Variants in TASOR observed in about 807,000 individuals in gnomAD.
The protein encoded by TASOR is transcription activation suppressor.
A neutral mutation model predicts 178.6 loss-of-function variants in TASOR; 53 were observed. The ratio of observed to expected loss-of-function variants is 0.30; its 90% CI spans 0.24 to 0.37. The LOEUF is 0.37. TASOR is among the 10% of genes least tolerant of loss of function. The pLI is 1.00. For synonymous variants in TASOR, 713 were observed against 696.2 expected, an observed-to-expected ratio of 1.02 and a Z score of -0.38; for missense variants, 1,815 against 1,971.4, an observed-to-expected ratio of 0.92 and a Z score of 1.50.
intron 17 of TASOR, among the ~76,000 whole-genome samples, chr3:56,634,181 T>G (rs2076972143): frequency 6.6e-6 from 1 of 152,240 alleles, no homozygotes; most frequent in Admixed American, 6.5e-5. Context: ...TGTTAACAAC[T>G]CTGCTATTTT....
rs1412338053 is a variant in TASOR at position 56,638,733 on chromosome 3, C to G, written c.2797G>C (p.Gly933Arg). ...GGTGTTTGTTTCTCACCATGTTTCC[C>G]CAGCTGGTCTTCTGGGCTTCTTGCA... ...GNARSPEDQLGKHGEKQTPGM... is the reference protein window; with the variant it reads ...GNARSPEDQLRKHGEKQTPGM... The change falls in exon 17 of 24, where the codon GGG (glycine) becomes CGG (arginine). Residue 933 changes from glycine (G) to arginine (R), a missense_variant. Coordinates refer to ENST00000683822, the MANE Select transcript of TASOR (RefSeq NM_001365635.2). The G allele has an allele frequency of 6.2e-7, 1 of 1,614,088 alleles. No individual in the cohort carries two copies. Among genetic ancestry groups the G allele is most frequent in the East Asian group, 2.2e-5 (1 of 44,872 alleles).
chr3:56,680,798 C>T (rs1292418210), intron 1 of TASOR, among the ~76,000 whole-genome samples: 1 of 151,914 alleles, frequency 6.6e-6, no homozygotes, highest in Non-Finnish European at 1.5e-5. Flanking sequence ...AAGTCCACTG[C>T]GATATATTTT....
intron 1 of TASOR, among the ~76,000 whole-genome samples, chr3:56,678,445 T>C (rs1256883200): frequency 1.3e-5 from 2 of 151,986 alleles, no homozygotes; most frequent in East Asian, 1.9e-4. Flanking sequence ...CCTCTCAAAG[T>C]GCTGGGATTA....
At position 56,621,376 on chromosome 3, in the gene TASOR, A is replaced by C; in HGVS notation, c.*1661T>G. The C allele has an allele frequency of 2.1e-6, 1 of 467,394 alleles. No individual in the cohort carries two copies. Among genetic ancestry groups the C allele is most frequent in the East Asian group, 3.2e-5 (1 of 31,166 alleles). The allele number at this position is 467,394 out of a possible 1,614,324, so 29.0% of individuals were successfully genotyped here. A position where few individuals can be genotyped will look rare whatever the true frequency, so the allele number is the denominator to read the frequency against. The stretch of plus-strand genomic sequence containing the variant: ...AATGTGATAGCTATATATCCAAATG[A>C]GGTGGTCTAGTACAAGCATTTCTGA... On this transcript the variant is annotated 3_prime_UTR_variant, in exon 24 of 24. Coordinates refer to ENST00000683822, the MANE Select transcript of TASOR (RefSeq NM_001365635.2).
chr3:56,646,310 A>G (rs565166356), intron 14 of TASOR, among the ~76,000 whole-genome samples: 10 of 152,206 alleles, frequency 6.6e-5, no homozygotes, highest in African/African-American at 2.4e-4. Context: ...TGTGGGCCAT[A>G]CAGTCTCAGT....
intron 12 of TASOR, 25 bp from the exon 13 acceptor site, chr3:56,648,918 T>G: frequency 1.2e-6 from 2 of 1,606,344 alleles, no homozygotes; most frequent in Non-Finnish European, 1.7e-6. Context: ...CCAAACTCAT[T>G]AGCAATGTGT....
At chr3:56,635,218 T>C (rs1327189063) in intron 17 of TASOR, among the ~76,000 whole-genome samples, 1 of 152,196 alleles carries the variant, frequency 6.6e-6, no homozygotes, top group South Asian at 2.1e-4. Flanking sequence ...TCATTAACTA[T>C]TGCAAAGGCA....
intron 23 of TASOR, 53 bp downstream of exon 23, chr3:56,624,426 C>A: frequency 6.4e-7 from 1 of 1,573,482 alleles, no homozygotes; most frequent in South Asian, 1.1e-5. Context: ...ACAGCAAAAC[C>A]ATTCCTCTTT....
intron 21 of TASOR, among the ~76,000 whole-genome samples, chr3:56,625,799 T>A (rs1199788898): frequency 6.6e-6 from 1 of 152,046 alleles, no homozygotes; most frequent in African/African-American, 2.4e-5. Flanking sequence ...AATTTTTGTA[T>A]TTTTAGTACA....
At chr3:56,680,592 AT>A in intron 1 of TASOR, among the ~76,000 whole-genome samples, 1 of 152,304 alleles carries the variant, frequency 6.6e-6, no homozygotes, top group East Asian at 1.9e-4. Context: ...ATAAAGTTGA[AT>A]TTATGTATTA....
intron 14 of TASOR, among the ~76,000 whole-genome samples, chr3:56,644,152 G>A (rs898660551): frequency 3.3e-5 from 5 of 152,140 alleles, no homozygotes; most frequent in African/African-American, 7.2e-5. Flanking sequence ...AACTGACTTC[G>A]GATTGTGCCA....
rs1244845269 is a variant in TASOR, at chr3:56,621,905, TA to T, written c.*1131del. 5.6e-6 allele frequency: 1 copy of T among 179,480 alleles called. No individual in the cohort carries two copies. The highest frequency in any genetic ancestry group is 1.2e-5 in the Non-Finnish European group (1 of 85,484). The allele number at this position is 179,480 out of a possible 1,614,324, so 11.1% of individuals were successfully genotyped here. ...TAAAAACACTTTCTACTTACCTTAA[TA>T]TAGTCTGGCGTTGCTGGGACCTCAC... On this transcript the variant is annotated 3_prime_UTR_variant, in exon 24 of 24. Coordinates refer to ENST00000683822, the MANE Select transcript of TASOR (RefSeq NM_001365635.2).
chr3:56,682,061 A>G (rs9839065), intron 1 of TASOR, among the ~76,000 whole-genome samples: 93,829 of 152,074 alleles, frequency 0.62, 31,556 homozygotes, highest in East Asian at 0.96. Context: ...AAGAGAGAAA[A>G]ACCTATTTAA....
At chr3:56,625,330 CAG>C (rs537425100) in intron 21 of TASOR, among the ~76,000 whole-genome samples, 2 of 152,286 alleles carry the variant, frequency 1.3e-5, no homozygotes, top group South Asian at 4.1e-4. Context: ...GGGACAAAAA[CAG>C]TATAAATCCT....
intron 1 of TASOR, among the ~76,000 whole-genome samples, chr3:56,679,157 G>A (rs1359334665): frequency 6.6e-6 from 1 of 152,104 alleles, no homozygotes; most frequent in South Asian, 2.1e-4. Context: ...CACAGCTGAC[G>A]CCTATTAATG....
At chr3:56,650,031 A>G (rs2077317731) in intron 11 of TASOR, among the ~76,000 whole-genome samples, 1 of 152,238 alleles carries the variant, frequency 6.6e-6, no homozygotes, top group South Asian at 2.1e-4. Flanking sequence ...TTAAAACAAC[A>G]GTAAGAAAGA....
intron 11 of TASOR, among the ~76,000 whole-genome samples, chr3:56,659,225 T>C (rs2077541540): frequency 6.6e-6 from 1 of 152,154 alleles, no homozygotes; most frequent in African/African-American, 2.4e-5. Flanking sequence ...ACCTGGAAAC[T>C]GAGGCTCAAC....
Position 56,640,002 on chromosome 3 carries a change from T to C in TASOR, c.2748A>G (p.Lys916=), listed in dbSNP as rs972186312. The part of the protein sequence containing the change: ...NNVEETEIHW[K]LIPITGGNAR... ...TTTTCTTACCTGTAATTGGAATCAG[T>C]TTCCAATGTATTTCAGTCTCTTCAA... The change falls in exon 16 of 24, where the codon AAA becomes AAG. Residue 916 remains lysine (K), a synonymous_variant. Coordinates refer to ENST00000683822, the MANE Select transcript of TASOR (RefSeq NM_001365635.2). The C allele has an allele frequency of 6.8e-6, 11 of 1,606,248 alleles. No homozygotes were observed. The highest frequency in any genetic ancestry group is 1.3e-5 in the African/African-American group (1 of 74,648).
chr3:56,662,023 A>G (rs2077607759), intron 9 of TASOR, among the ~76,000 whole-genome samples: 1 of 151,760 alleles, frequency 6.6e-6, no homozygotes, highest in African/African-American at 2.4e-5. Flanking sequence ...CCAGCTACTC[A>G]GGAGGCTGAG....
Sources: gnomAD v4.1 joint callset for allele counts (sites outside exome capture counted in the v4.1 genomes callset) on GRCh38, gnomAD v4.1.1 for gene constraint, MANE v1.5 for transcripts, NCBI Gene and HGNC (gene_info 2026-07-23, HGNC 2026-07-21) for gene names.